Variants in RANBP3L observed in about 807,000 individuals in gnomAD.
RANBP3L encodes the protein RAN binding protein 3 like, also known as ran-binding protein 3-like.
Under a neutral mutation model 67.2 loss-of-function variants are expected in RANBP3L, and 56 were observed. The ratio of observed to expected loss-of-function variants is 0.83; its 90% CI spans 0.67 to 1.04. RANBP3L has a LOEUF of 1.04. Ranked by LOEUF, RANBP3L falls within the 50% of genes least tolerant of loss-of-function variation. The pLI is 0.00. For missense variants in RANBP3L, 496 were observed against 535.5 expected (o/e 0.93, Z 0.73); for synonymous variants, 164 against 181.4 (o/e 0.90, Z 0.77).
chr5:36,278,351 C>A (rs911157404), intron 1 of RANBP3L, among the ~76,000 whole-genome samples: 1 of 152,008 alleles, frequency 6.6e-6, no homozygotes, highest in African/African-American at 2.4e-5. Context: ...TCCAGATGGA[C>A]CAGCAGCATT....
chr5:36,272,602 A>G (rs1750298030), intron 1 of RANBP3L, among the ~76,000 whole-genome samples: 1 of 152,128 alleles, frequency 6.6e-6, no homozygotes. Context: ...AGTCCAGTGA[A>G]ATAAACTGTT....
At chr5:36,276,565 T>C (rs1750582109) in intron 1 of RANBP3L, among the ~76,000 whole-genome samples, 1 of 152,214 alleles carries the variant, frequency 6.6e-6, no homozygotes. Context: ...AGTATTATAC[T>C]ATCACAATCA....
intron 1 of RANBP3L, among the ~76,000 whole-genome samples, chr5:36,287,946 C>T (rs955717038): frequency 3.3e-5 from 5 of 152,176 alleles, no homozygotes; most frequent in Admixed American, 1.3e-4. Flanking sequence ...ATATTTCAGT[C>T]TCTTCACTAT....
In RANBP3L at chr5:36,248,347, G is replaced by A. The variant is rs1748396088; in HGVS notation, c.*1307C>T. On this transcript the variant is annotated 3_prime_UTR_variant, in exon 14 of 14. Coordinates refer to ENST00000296604, the MANE Select transcript of RANBP3L (RefSeq NM_145000.5). The stretch of plus-strand genomic sequence containing the variant: ...GTTATGCTTTCTCAGTTATAAGGAA[G>A]GACAAAATGTTGAACAATTGTCATA... 1.3e-5 allele frequency: 2 copies of A among 152,060 alleles called. No individual in the cohort carries two copies. The highest frequency in any genetic ancestry group is 4.8e-5 in the African/African-American group (2 of 41,422). 9.4% of individuals were successfully genotyped at this position (152,060 alleles called of 1,614,324 possible).
intron 8 of RANBP3L, among the ~76,000 whole-genome samples, chr5:36,259,475 C>G (rs1050153691): frequency 6.6e-6 from 1 of 151,144 alleles, no homozygotes; most frequent in Admixed American, 6.6e-5. Flanking sequence ...CCCACCTACT[C>G]GGGAGGCTGA....
intron 4 of RANBP3L, among the ~76,000 whole-genome samples, chr5:36,266,972 G>A (rs943163814): frequency 6.6e-6 from 1 of 152,114 alleles, no homozygotes; most frequent in Admixed American, 6.5e-5. Flanking sequence ...TGCCACGCTG[G>A]TTTCGAACTC....
In RANBP3L at chr5:36,283,245, A is replaced by G. The variant is rs372414836; in HGVS notation, c.92-11934T>C. Among the ~76,000 whole-genome samples the G allele has an allele frequency of 4.4e-4, 67 of 151,868 alleles. No individual in the cohort carries two copies. In the South Asian group the frequency reaches 0.013, roughly 30 times the overall value. ...GCTAATTTTTGTATTTTTAGTAGAG[A>G]TGGGGTTTCAACATGTTGTCCAGGC... On this transcript the variant is annotated intron_variant, in intron 1 of 13. Transcript: ENST00000296604.
chr5:36,261,199 T>C (rs1053974725), intron 7 of RANBP3L, among the ~76,000 whole-genome samples: 1 of 152,190 alleles, frequency 6.6e-6, no homozygotes, highest in African/African-American at 2.4e-5. Flanking sequence ...CCTCTTCTCT[T>C]CCTCAAGTGG....
At chr5:36,251,213 CA>C in intron 13 of RANBP3L, 99 bp downstream of exon 13, 1 of 956,698 alleles carries the variant, frequency 1.0e-6, no homozygotes, top group Non-Finnish European at 1.5e-6. Context: ...TAACTTTAAA[CA>C]GAGCAGTTCC....
chr5:36,283,521 A>G (rs973276531), intron 1 of RANBP3L, among the ~76,000 whole-genome samples: 4 of 147,672 alleles, frequency 2.7e-5, no homozygotes, highest in African/African-American at 1.0e-4. Flanking sequence ...GGTCTTGCCT[A>G]TGCTCTGTAT....
chr5:36,279,549 G>C (rs780095585), intron 1 of RANBP3L, among the ~76,000 whole-genome samples: 1 of 152,088 alleles, frequency 6.6e-6, no homozygotes, highest in Non-Finnish European at 1.5e-5. Flanking sequence ...TATACAGAAA[G>C]TTTCCAGGCT....
At chr5:36,278,661 C>A (rs1054504422) in intron 1 of RANBP3L, among the ~76,000 whole-genome samples, 3 of 151,974 alleles carry the variant, frequency 2.0e-5, no homozygotes, top group African/African-American at 4.8e-5. Context: ...CTATTCAAAC[C>A]GTATACTATA....
intron 1 of RANBP3L, among the ~76,000 whole-genome samples, chr5:36,289,886 G>A (rs764492424): frequency 1.2e-4 from 18 of 150,656 alleles, no homozygotes; most frequent in Non-Finnish European, 1.8e-4. Context: ...TTTTCTTAAC[G>A]TAATACACTG....
chr5:36,277,051 G>T lies in RANBP3L; in HGVS notation c.92-5740C>A, dbSNP rs74480095. ...GTAAACAGTCTTGGCAGGAAAGAGG[G>T]TGGCAACAAACCCCTGCAGAGGGGC... On this transcript the variant is annotated intron_variant, in intron 1 of 13. Transcript: ENST00000296604. Among the ~76,000 whole-genome samples the T allele has an allele frequency of 7.9e-3, 1,205 of 152,338 alleles. 18 individuals carry two copies. Among genetic ancestry groups the T allele is most frequent in the African/African-American group, 0.027 (1,116 of 41,584 alleles).
At chr5:36,285,311 A>G (rs1751243607) in intron 1 of RANBP3L, among the ~76,000 whole-genome samples, 1 of 152,224 alleles carries the variant, frequency 6.6e-6, no homozygotes, top group African/African-American at 2.4e-5. Flanking sequence ...AAGTGATTTT[A>G]TAGGTCTCCT....
At chr5:36,253,592 C>A in intron 12 of RANBP3L, 55 bp downstream of exon 12, 1 of 1,417,206 alleles carries the variant, frequency 7.1e-7, no homozygotes, top group South Asian at 1.2e-5. Flanking sequence ...TTAGTAATTG[C>A]AGACGTCTAT....
intron 1 of RANBP3L, among the ~76,000 whole-genome samples, chr5:36,288,354 A>G (rs914345230): frequency 6.6e-6 from 1 of 152,186 alleles, no homozygotes; most frequent in Non-Finnish European, 1.5e-5. Context: ...GTGTTAATAT[A>G]CCGCAATTTG....
intron 13 of RANBP3L, among the ~76,000 whole-genome samples, chr5:36,250,845 G>C (rs1056994162): frequency 1.1e-4 from 16 of 152,054 alleles, no homozygotes; most frequent in Middle Eastern, 3.4e-3. Context: ...TTTTCCCCTA[G>C]ATAAAATAGG....
At chr5:36,268,436 A>C (rs1402385326) in intron 4 of RANBP3L, among the ~76,000 whole-genome samples, 2 of 152,228 alleles carry the variant, frequency 1.3e-5, no homozygotes, top group Non-Finnish European at 2.9e-5. Flanking sequence ...ATTAATTTCC[A>C]TTCAATTCCA....
Sources: gnomAD v4.1 joint callset for allele counts (sites outside exome capture counted in the v4.1 genomes callset) on GRCh38, gnomAD v4.1.1 for gene constraint, MANE v1.5 for transcripts, NCBI Gene and HGNC (gene_info 2026-07-23, HGNC 2026-07-21) for gene names.